Variants in CAMTA1 observed in about 807,000 individuals in gnomAD.
The protein encoded by CAMTA1 is calmodulin binding transcription activator 1.
Under a neutral mutation model 170.9 loss-of-function variants are expected in CAMTA1, and 27 were observed. The observed-to-expected ratio is 0.16, with a 90% CI of 0.12 to 0.22. The LOEUF (loss-of-function observed/expected upper bound fraction) is 0.22, where lower values mean the gene tolerates loss of function less well. Among genes scored for constraint, CAMTA1 ranks in the 10% least tolerant of loss-of-function variants. The pLI is 1.00. For synonymous variants in CAMTA1, 833 were observed against 891.5 expected (o/e 0.93, Z 1.17); for missense variants, 1,619 against 2,217.2 (o/e 0.73, Z 5.42).
chr1:7,606,065 G>C (rs1490417399), intron 6 of CAMTA1, among the ~76,000 whole-genome samples: 2 of 152,186 alleles, frequency 1.3e-5, no homozygotes, highest in Non-Finnish European at 2.9e-5. Context: ...TCCAATCAAG[G>C]CCCCTGAGCA....
At chr1:7,608,814 A>C (rs374851374) in intron 6 of CAMTA1, among the ~76,000 whole-genome samples, 1 of 152,034 alleles carries the variant, frequency 6.6e-6, no homozygotes, top group African/African-American at 2.4e-5. Context: ...GAAGCGTGGG[A>C]GGGCCCCAGG....
intron 6 of CAMTA1, among the ~76,000 whole-genome samples, chr1:7,475,880 G>A (rs555146816): frequency 1.3e-5 from 2 of 152,234 alleles, no homozygotes; most frequent in African/African-American, 4.8e-5. Context: ...TCCCTGTCCT[G>A]GGGGAGCCCA....
intron 5 of CAMTA1, among the ~76,000 whole-genome samples, chr1:7,319,757 T>C (rs1678085403): frequency 6.6e-6 from 1 of 152,188 alleles, no homozygotes; most frequent in South Asian, 2.1e-4. Flanking sequence ...ATGAGCAAAA[T>C]AAAGTCCTTG....
At chr1:7,412,028 C>A (rs2090811499) in intron 5 of CAMTA1, among the ~76,000 whole-genome samples, 1 of 151,368 alleles carries the variant, frequency 6.6e-6, no homozygotes, top group Non-Finnish European at 1.5e-5. Flanking sequence ...TTGTCCTTGC[C>A]ATAGTTTGCT....
chr1:7,400,610 C>T (rs1373377766), intron 5 of CAMTA1, among the ~76,000 whole-genome samples: 1 of 152,028 alleles, frequency 6.6e-6, no homozygotes, highest in Admixed American at 6.5e-5. Context: ...GGTCACCTCT[C>T]CCAATTTTAT....
At chr1:6,886,705 C>T (rs2149108519) in intron 3 of CAMTA1, among the ~76,000 whole-genome samples, 1 of 152,376 alleles carries the variant, frequency 6.6e-6, no homozygotes, top group South Asian at 2.1e-4. Context: ...CACCCTACCA[C>T]ATGCTTCCAG....
At position 7,534,580 on chromosome 1, in the gene CAMTA1, C is replaced by A. The variant is rs967683930; in HGVS notation, c.510+66679C>A. ...TCCCCACCTCCCCGGCCAGCCCACA[C>A]CCTCTGTCTTTGTCTGGCATGTCCT... On this transcript the variant is annotated intron_variant, in intron 6 of 22. Transcript: ENST00000303635. This position sits in a 1 kb window ranked among gnomAD's most constrained non-coding sequence, Gnocchi z 5.6. Among the ~76,000 whole-genome samples the A allele has an allele frequency of 6.6e-6, 1 of 152,220 alleles. No homozygotes were observed. The highest frequency in any genetic ancestry group is 2.4e-5 in the African/African-American group (1 of 41,456).
At chr1:7,571,806 C>T (rs542236199) in intron 6 of CAMTA1, among the ~76,000 whole-genome samples, 16 of 152,224 alleles carry the variant, frequency 1.1e-4, no homozygotes, top group Non-Finnish European at 1.8e-4. Context: ...CATATGCATG[C>T]GTGTGTCTTT....
chr1:6,949,283 C>T (rs1460170373), intron 3 of CAMTA1, among the ~76,000 whole-genome samples: 3 of 152,228 alleles, frequency 2.0e-5, no homozygotes, highest in Non-Finnish European at 4.4e-5. Flanking sequence ...GAGTTTCTAG[C>T]AGATAGGGCT....
At chr1:7,540,453 G>C (rs972997208) in intron 6 of CAMTA1, among the ~76,000 whole-genome samples, 1 of 152,194 alleles carries the variant, frequency 6.6e-6, no homozygotes, top group Non-Finnish European at 1.5e-5. Flanking sequence ...CAGGAAAGCA[G>C]CTCCTGCTGG....
At chr1:7,099,977 G>T (rs538655192) in intron 4 of CAMTA1, among the ~76,000 whole-genome samples, 3 of 152,218 alleles carry the variant, frequency 2.0e-5, no homozygotes, top group Non-Finnish European at 4.4e-5. Context: ...AGGCCAGGGG[G>T]TGGTTGCCTG....
chr1:7,443,268 C>T lies in CAMTA1; in HGVS notation c.439-24562C>T, dbSNP rs1287680841. On this transcript the variant is annotated intron_variant, in intron 5 of 22. Coordinates refer to ENST00000303635, the MANE Select transcript of CAMTA1 (RefSeq NM_015215.4). The surrounding 1 kb of genome is among the most constrained non-coding windows in gnomAD (Gnocchi z 4.1). ...TCCCCACTTTCGTGGGGTACAGTCCCCTTGAGGCAGGGACCAGGTCTGTTC... is the reference window on the plus strand; with the variant it reads ...TCCCCACTTTCGTGGGGTACAGTCCTCTTGAGGCAGGGACCAGGTCTGTTC... Among the ~76,000 whole-genome samples the T allele has an allele frequency of 6.6e-6, 1 of 152,216 alleles. No homozygotes were observed. The highest frequency in any genetic ancestry group is 1.5e-5 in the Non-Finnish European group (1 of 68,044).
chr1:7,589,505 G>A (rs2095339000), intron 6 of CAMTA1, among the ~76,000 whole-genome samples: 1 of 152,210 alleles, frequency 6.6e-6, no homozygotes, highest in African/African-American at 2.4e-5. Context: ...GTCAGCGCTT[G>A]TGGCTTGACG....
chr1:7,450,588 C>T (rs935002069), intron 5 of CAMTA1, among the ~76,000 whole-genome samples: 1 of 152,236 alleles, frequency 6.6e-6, no homozygotes, highest in Non-Finnish European at 1.5e-5. Context: ...ACCGCCTGCC[C>T]GCTCTGCCTG....
chr1:6,923,286 A>G (rs1682416710), intron 3 of CAMTA1, among the ~76,000 whole-genome samples: 1 of 152,144 alleles, frequency 6.6e-6, no homozygotes, highest in Non-Finnish European at 1.5e-5. Context: ...ACTCCTGAGT[A>G]TCTGTGATCC....
chr1:6,959,853 C>CGG (rs1690081718), intron 3 of CAMTA1, among the ~76,000 whole-genome samples: 4 of 152,148 alleles, frequency 2.6e-5, no homozygotes, highest in Non-Finnish European at 1.5e-5. Flanking sequence ...CTGCATGAAT[C>CGG]ACAGAGTCAC....
intron 3 of CAMTA1, among the ~76,000 whole-genome samples, chr1:7,019,013 C>T (rs1700980595): frequency 1.3e-5 from 2 of 152,192 alleles, no homozygotes. Flanking sequence ...TTCTGTGCAC[C>T]TCCATCCTGG....
At chr1:7,143,262 G>A (rs1293183522) in intron 4 of CAMTA1, among the ~76,000 whole-genome samples, 1 of 152,202 alleles carries the variant, frequency 6.6e-6, no homozygotes, top group African/African-American at 2.4e-5. Flanking sequence ...TGGGCTAACA[G>A]CCATCCATGG....
intron 12 of CAMTA1, among the ~76,000 whole-genome samples, chr1:7,733,421 A>G (rs1387153834): frequency 6.6e-6 from 1 of 152,208 alleles, no homozygotes; most frequent in Non-Finnish European, 1.5e-5. Context: ...TCAGTGTAGA[A>G]TGACATTATA....
Sources: allele counts gnomAD v4.1 joint callset (sites outside exome capture counted in the v4.1 genomes callset), GRCh38; gene constraint gnomAD v4.1.1; non-coding constraint Gnocchi (gnomAD v3.1); transcripts MANE v1.5; gene names NCBI Gene and HGNC (gene_info 2026-07-23, HGNC 2026-07-21).